LURAP1L: variants seen among roughly 807,000 people sequenced by gnomAD.
The protein encoded by LURAP1L is leucine rich adaptor protein 1 like.
Under a neutral mutation model 13.8 loss-of-function variants are expected in LURAP1L, and 12 were observed. The ratio of observed to expected loss-of-function variants is 0.87; its 90% CI spans 0.56 to 1.41. The LOEUF (loss-of-function observed/expected upper bound fraction) is 1.41, where lower values mean the gene tolerates loss of function less well. Among genes scored for constraint, LURAP1L ranks in the 40% most tolerant of loss-of-function variants. LURAP1L has a pLI of 0.00. For missense variants in LURAP1L, 375 were observed against 292.9 expected (o/e 1.28, Z -2.04); for synonymous variants, 139 against 119.2 (o/e 1.17, Z -1.08).
In LURAP1L at chr9:12,822,731, T is replaced by C. The variant is rs1385472686; in HGVS notation, c.*971T>C. On this transcript the variant is annotated 3_prime_UTR_variant, in exon 2 of 2. Transcript: ENST00000319264. Reference sequence around the variant, plus strand: ...CATTCATCCTAGTATAAATAAATAATCTCTAAGTTTTCTGAAATGGAATAT... The same window carrying C: ...CATTCATCCTAGTATAAATAAATAACCTCTAAGTTTTCTGAAATGGAATAT... 1.3e-5 allele frequency among the ~76,000 whole-genome samples: 2 copies of C among 152,128 alleles called. No individual in the cohort carries two copies. The highest frequency in any genetic ancestry group is 4.8e-5 in the African/African-American group (2 of 41,430).
In LURAP1L at chr9:12,775,781, G is replaced by C. The variant is rs757545946; in HGVS notation, c.66G>C (p.Glu22Asp). 17 of 1,609,834 alleles carry C rather than the reference G, an allele frequency of 1.1e-5. No homozygotes were observed. The South Asian group carries it at 1.8e-4, about 17-fold the overall frequency. ...IELKLGRKVPESLVRSLRGEE... is the reference protein window; with the variant it reads ...IELKLGRKVPDSLVRSLRGEE... ...TGAAGCTGGGGCGCAAAGTACCCGA[G>C]AGTCTAGTGCGCTCTCTCCGTGGGG... Residue 22 changes from glutamate (E) to aspartate (D), a missense_variant, in exon 1 of 2, where the codon GAG (glutamate) becomes GAC (aspartate). Coordinates refer to ENST00000319264, the MANE Select transcript of LURAP1L (RefSeq NM_203403.2).
chr9:12,800,679 G>C (rs374370077), intron 1 of LURAP1L, among the ~76,000 whole-genome samples: 5 of 152,230 alleles, frequency 3.3e-5, no homozygotes, highest in African/African-American at 9.6e-5. Flanking sequence ...AATAATGTCT[G>C]TATGATAGTA....
chr9:12,779,124 C>T (rs1163789313), intron 1 of LURAP1L, among the ~76,000 whole-genome samples: 3 of 152,208 alleles, frequency 2.0e-5, no homozygotes, highest in Non-Finnish European at 4.4e-5. Context: ...TTTCAGACTG[C>T]AGTTGACTGT....
chr9:12,820,943 T>C (rs1258987137), intron 1 of LURAP1L, among the ~76,000 whole-genome samples: 3 of 152,194 alleles, frequency 2.0e-5, no homozygotes, highest in Admixed American at 6.5e-5. Flanking sequence ...CACTCCATAA[T>C]CAGAGGCTTT....
intron 1 of LURAP1L, among the ~76,000 whole-genome samples, chr9:12,782,048 G>A (rs1819279758): frequency 6.6e-6 from 1 of 152,078 alleles, no homozygotes; most frequent in African/African-American, 2.4e-5. Flanking sequence ...ATTGTCATTT[G>A]GATGTCTTTT....
chr9:12,781,054 C>A (rs1819263170), intron 1 of LURAP1L, among the ~76,000 whole-genome samples: 1 of 152,156 alleles, frequency 6.6e-6, no homozygotes, highest in African/African-American at 2.4e-5. Context: ...TCACCGCAAC[C>A]TCTGCCTCCT....
At chr9:12,777,902 CAATT>C (rs1283437597) in intron 1 of LURAP1L, among the ~76,000 whole-genome samples, 5 of 152,144 alleles carry the variant, frequency 3.3e-5, no homozygotes, top group Admixed American at 3.3e-4. Context: ...TGATGAATCA[CAATT>C]AGTTTTTTTT....
In LURAP1L at chr9:12,775,968, A is replaced by G; in HGVS notation, c.253A>G (p.Ser85Gly). ...CCCAACCTCTGGCTCCCCACGAGGT[A>G]GCCACTCTAGCGCCCTGGAGAGGCT... ...SSPTSGSPRG[S>G]HSSALERLET... is the part of the protein sequence containing the mutation. Residue 85 changes from serine to glycine, a missense_variant, in exon 1 of 2, where the codon AGC becomes GGC. Coordinates refer to ENST00000319264, the MANE Select transcript of LURAP1L (RefSeq NM_203403.2). 6.2e-7 allele frequency: 1 copy of G among 1,601,372 alleles called. No individual in the cohort carries two copies. Among genetic ancestry groups the G allele is most frequent in the South Asian group, 1.1e-5 (1 of 88,876 alleles).
intron 1 of LURAP1L, among the ~76,000 whole-genome samples, chr9:12,798,120 T>C (rs935552504): frequency 2.6e-5 from 4 of 152,156 alleles, no homozygotes; most frequent in Non-Finnish European, 5.9e-5. Flanking sequence ...TATAATTTAG[T>C]ATAAAATTGT....
At chr9:12,790,939 AAAAT>A (rs1165391875) in intron 1 of LURAP1L, among the ~76,000 whole-genome samples, 1 of 152,170 alleles carries the variant, frequency 6.6e-6, no homozygotes, top group East Asian at 1.9e-4. Flanking sequence ...GTTTTAACTG[AAAAT>A]AAATAGACAT....
chr9:12,776,062 C>A, intron 1 of LURAP1L, 35 bp downstream of exon 1: 1 of 1,595,812 alleles, frequency 6.3e-7, no homozygotes, highest in Non-Finnish European at 8.6e-7. Context: ...GGGCTGGGAC[C>A]TGGGCTGGGC....
chr9:12,795,417 T>C (rs1819499670), intron 1 of LURAP1L, among the ~76,000 whole-genome samples: 1 of 152,060 alleles, frequency 6.6e-6, no homozygotes, highest in Admixed American at 6.6e-5. Context: ...ATTAATTATC[T>C]AGAAGTTTCT....
chr9:12,782,597 G>T (rs558394484), intron 1 of LURAP1L, among the ~76,000 whole-genome samples: 1 of 152,238 alleles, frequency 6.6e-6, no homozygotes, highest in South Asian at 2.1e-4. Flanking sequence ...ATTGCTCAGT[G>T]TGTCTGTTTT....
chr9:12,791,107 C>T (rs1819434900), intron 1 of LURAP1L, among the ~76,000 whole-genome samples: 1 of 151,976 alleles, frequency 6.6e-6, no homozygotes, highest in Non-Finnish European at 1.5e-5. Flanking sequence ...GAAGCAGTTG[C>T]TAGCAAGCTT....
chr9:12,777,125 T>G lies in LURAP1L; in HGVS notation c.312+1098T>G, dbSNP rs145904321. The G allele has an allele frequency of 1.3e-5, 7 of 547,254 alleles. No individual in the cohort carries two copies. In the East Asian group the frequency reaches 1.0e-3, roughly 80 times the overall value. 33.9% of individuals were successfully genotyped at this position (547,254 alleles called of 1,614,324 possible). A position where few individuals can be genotyped will look rare whatever the true frequency, so the allele number is the denominator to read the frequency against. Reference sequence around the variant, plus strand: ...GAGATTTCTATCACTCCGACAGGAATGCTGGAAATTATTTCTATCATTCTA... The same window carrying G: ...GAGATTTCTATCACTCCGACAGGAAGGCTGGAAATTATTTCTATCATTCTA... On this transcript the variant is annotated intron_variant, in intron 1 of 1. Transcript: ENST00000319264.
intron 1 of LURAP1L, among the ~76,000 whole-genome samples, chr9:12,797,520 T>C (rs1341314329): frequency 1.3e-5 from 2 of 152,122 alleles, no homozygotes; most frequent in East Asian, 1.9e-4. Flanking sequence ...ACTATATGGA[T>C]TGTATTTTTA....
chr9:12,813,946 A>C (rs1819771813), intron 1 of LURAP1L, among the ~76,000 whole-genome samples: 1 of 152,226 alleles, frequency 6.6e-6, no homozygotes, highest in Non-Finnish European at 1.5e-5. Flanking sequence ...CAGTTCAGCA[A>C]GAATAAATAA....
chr9:12,807,376 C>T (rs1168337541), intron 1 of LURAP1L, among the ~76,000 whole-genome samples: 1 of 152,110 alleles, frequency 6.6e-6, no homozygotes, highest in African/African-American at 2.4e-5. Flanking sequence ...AAGAGATTAT[C>T]TGTTTCTCAC....
intron 1 of LURAP1L, among the ~76,000 whole-genome samples, chr9:12,781,947 C>T (rs1819277936): frequency 6.6e-6 from 1 of 152,122 alleles, no homozygotes; most frequent in South Asian, 2.1e-4. Context: ...GGATAAAAGC[C>T]ATTATAACTG....
Sources: gnomAD v4.1 joint callset for allele counts (sites outside exome capture counted in the v4.1 genomes callset) on GRCh38, gnomAD v4.1.1 for gene constraint, MANE v1.5 for transcripts, NCBI Gene and HGNC (gene_info 2026-07-23, HGNC 2026-07-21) for gene names.